Variants in PRKN observed in about 807,000 individuals in gnomAD.
The protein encoded by PRKN is parkin RBR E3 ubiquitin protein ligase.
In PRKN, 56 loss-of-function variants were observed where a neutral mutation model predicts 59.5. The observed-to-expected ratio is 0.94, with a 90% confidence interval of 0.76 to 1.18. The LOEUF (loss-of-function observed/expected upper bound fraction) is 1.18, where lower values mean the gene tolerates loss of function less well. Among genes scored for constraint, PRKN ranks in the 50% most tolerant of loss-of-function variants. The pLI, the probability that PRKN is intolerant of heterozygous loss-of-function variation, is 0.00. For synonymous variants in PRKN, 250 were observed against 222.1 expected, an observed-to-expected ratio of 1.13 and a Z score of -1.12; for missense variants, 657 against 596.4, an observed-to-expected ratio of 1.10 and a Z score of -1.06.
At position 161,471,317 on chromosome 6, in the gene PRKN, A is replaced by T. The variant is rs114043768; in HGVS notation, c.1083+77537T>A. 4.5e-3 allele frequency among the ~76,000 whole-genome samples: 681 copies of T among 152,312 alleles called. 3 individuals are homozygous for T. The highest frequency in any genetic ancestry group is 0.015 in the African/African-American group (634 of 41,574). On this transcript the variant is annotated intron_variant, in intron 9 of 11. Coordinates refer to ENST00000366898, the MANE Select transcript of PRKN (RefSeq NM_004562.3). This position sits in a 1 kb window ranked among gnomAD's most constrained non-coding sequence, Gnocchi z 4.5. ...TTTGGGGTTATGGGGATGTTGTTTT[A>T]TTTCACTTACAGATATACACCTACG... is the stretch of plus-strand genomic sequence containing the variant.
intron 6 of PRKN, among the ~76,000 whole-genome samples, chr6:161,895,870 A>T (rs528955924): frequency 2.0e-5 from 3 of 152,198 alleles, no homozygotes; most frequent in African/African-American, 7.2e-5. Flanking sequence ...GTTGGAGGGA[A>T]GAATTCTTAG....
At chr6:161,857,606 A>C (rs755302148) in intron 6 of PRKN, among the ~76,000 whole-genome samples, 6 of 152,208 alleles carry the variant, frequency 3.9e-5, no homozygotes, top group African/African-American at 7.2e-5. Context: ...GTATCTGTTA[A>C]ATGTATCAGT....
At chr6:162,058,464 G>A (rs1212232024) in intron 4 of PRKN, among the ~76,000 whole-genome samples, 3 of 152,194 alleles carry the variant, frequency 2.0e-5, no homozygotes, top group Non-Finnish European at 2.9e-5. Context: ...TCATACTGTG[G>A]CTGGTGGCAA....
chr6:161,986,094 GTT>G (rs1423746540), intron 5 of PRKN, among the ~76,000 whole-genome samples: 1 of 152,164 alleles, frequency 6.6e-6, no homozygotes, highest in African/African-American at 2.4e-5. Flanking sequence ...ACATCCAGGA[GTT>G]ACCAGCCCTT....
At chr6:162,674,393 C>T (rs1430123778) in intron 1 of PRKN, among the ~76,000 whole-genome samples, 2 of 151,950 alleles carry the variant, frequency 1.3e-5, no homozygotes, top group Non-Finnish European at 2.9e-5. Flanking sequence ...GGCTGTGGGG[C>T]AATATCACAT....
chr6:162,526,810 G>A (rs372769287), intron 1 of PRKN, among the ~76,000 whole-genome samples: 121 of 152,236 alleles, frequency 7.9e-4, no homozygotes, highest in African/African-American at 2.8e-3. Flanking sequence ...TTCAGAAGCT[G>A]TGGACTTAAG....
In PRKN at chr6:162,443,334, C is replaced by T. The variant is rs199762783; in HGVS notation, c.147G>A (p.Glu49=). 1.4e-5 allele frequency: 23 copies of T among 1,612,734 alleles called. No individual in the cohort carries two copies. In the East Asian group the frequency reaches 5.1e-4, roughly 36 times the overall value. The part of the protein sequence containing the change: ...DQLRVIFAGK[E]LRNDWTVQNC... ...CCTGCACAGTCCAGTCATTCCTCAG[C>T]TCCTTCCCTGCGAAAATCACACGCA... Residue 49 remains glutamate, a synonymous_variant, in exon 2 of 12, where the codon GAG becomes GAA. Coordinates refer to ENST00000366898, the MANE Select transcript of PRKN (RefSeq NM_004562.3).
rs183244685 is a variant in PRKN at position 162,720,624 on chromosome 6, G to A, written c.7+7038C>T. On this transcript the variant is annotated intron_variant, in intron 1 of 11. Transcript: ENST00000366898. ...CGCCACCGCGCCCGGCTAATTTTTT[G>A]TATTTTTAGTAGAGACGGGGTTTCA... 7.0e-3 allele frequency among the ~76,000 whole-genome samples: 1,066 copies of A among 151,350 alleles called. 6 individuals are homozygous for A. The highest frequency in any genetic ancestry group is 0.015 in the South Asian group (71 of 4,768).
chr6:161,411,319 T>G (rs1346835680), intron 9 of PRKN, among the ~76,000 whole-genome samples: 1 of 152,086 alleles, frequency 6.6e-6, no homozygotes, highest in Non-Finnish European at 1.5e-5. Flanking sequence ...GATCTGATGG[T>G]TTTATAAAGG....
At chr6:162,320,389 G>A (rs1298772520) in intron 2 of PRKN, among the ~76,000 whole-genome samples, 82 of 18,354 alleles carry the variant, frequency 4.5e-3, no homozygotes, top group Admixed American at 8.9e-3. Flanking sequence ...AAAAAACCAA[G>A]CATTTTAAGA....
chr6:162,470,664 A>G (rs946037886), intron 1 of PRKN, among the ~76,000 whole-genome samples: 6 of 152,142 alleles, frequency 3.9e-5, no homozygotes, highest in African/African-American at 7.2e-5. Flanking sequence ...TAAAACACCA[A>G]TCTTTGGGTT....
chr6:161,827,788 G>A (rs922249377), intron 6 of PRKN, among the ~76,000 whole-genome samples: 7 of 152,124 alleles, frequency 4.6e-5, no homozygotes, highest in African/African-American at 1.2e-4. Flanking sequence ...GATTACAAGC[G>A]TGAGCCAGCA....
chr6:162,323,049 T>G (rs1583378095), intron 2 of PRKN, among the ~76,000 whole-genome samples: 1 of 117,752 alleles, frequency 8.5e-6, no homozygotes, highest in South Asian at 3.0e-4. Context: ...GGCAGGGGAA[T>G]ATCACACTCT....
rs140575271 is a variant in PRKN at position 161,493,952 on chromosome 6, A to G, written c.1083+54902T>C. ...CCGCACAGACAAGACAAGAGCCGGG[A>G]AGGCAGGGACGCTCGATCAGCCGTT... is the stretch of plus-strand genomic sequence containing the variant. On this transcript the variant is annotated intron_variant, in intron 9 of 11. Transcript: ENST00000366898. Among the ~76,000 whole-genome samples, 443 of 152,310 alleles carry G rather than the reference A, an allele frequency of 2.9e-3. 2 individuals are homozygous for G. Among genetic ancestry groups the G allele is most frequent in the African/African-American group, 0.01 (430 of 41,576 alleles).
At chr6:161,452,197 C>A (rs1236445665) in intron 9 of PRKN, among the ~76,000 whole-genome samples, 1 of 149,940 alleles carries the variant, frequency 6.7e-6, no homozygotes, top group African/African-American at 2.5e-5. Context: ...CAAGTGATCC[C>A]ACCTCGGCCT....
chr6:162,657,202 GATT>G (rs1778675748), intron 1 of PRKN, among the ~76,000 whole-genome samples: 1 of 152,148 alleles, frequency 6.6e-6, no homozygotes, highest in Non-Finnish European at 1.5e-5. Context: ...ATCCATAGTA[GATT>G]ATTATATCCT....
chr6:161,485,480 G>T (rs1791605452), intron 9 of PRKN, among the ~76,000 whole-genome samples: 1 of 152,170 alleles, frequency 6.6e-6, no homozygotes, highest in Non-Finnish European at 1.5e-5. Flanking sequence ...AGTTAGAAAT[G>T]AAAATATTAT....
At chr6:162,585,868 AT>A (rs111600883) in intron 1 of PRKN, among the ~76,000 whole-genome samples, 18,625 of 151,496 alleles carry the variant, frequency 0.12, 1,255 homozygotes, top group Middle Eastern at 0.2. Context: ...TGCCCGGCTA[AT>A]TTTTTTTGTG....
At chr6:162,710,374 A>ACACACACACAC (rs1778486499) in intron 1 of PRKN, among the ~76,000 whole-genome samples, 9 of 125,240 alleles carry the variant, frequency 7.2e-5, no homozygotes, top group Non-Finnish European at 1.1e-4. Flanking sequence ...ACCCCCTACA[A>ACACACACACAC]ACACACACAC....
Sources: allele counts gnomAD v4.1 joint callset (sites outside exome capture counted in the v4.1 genomes callset), GRCh38; gene constraint gnomAD v4.1.1; non-coding constraint Gnocchi (gnomAD v3.1); transcripts MANE v1.5; gene names NCBI Gene and HGNC (gene_info 2026-07-23, HGNC 2026-07-21).